The following BAIAP2L1 variants were observed in gnomAD, a reference collection of about 807,000 sequenced individuals.
BAIAP2L1 encodes the protein BAR/IMD domain-containing adapter protein 2-like 1.
BAIAP2L1 carries 35 observed loss-of-function variants against 66.3 expected under a neutral mutation model. The ratio of observed to expected loss-of-function variants is 0.53; its 90% CI spans 0.40 to 0.70. The LOEUF is 0.70. Among genes scored for constraint, BAIAP2L1 ranks in the 30% least tolerant of loss-of-function variants. The pLI is 0.00. For missense variants in BAIAP2L1, 622 were observed against 656.9 expected (o/e 0.95, Z 0.58); for synonymous variants, 269 against 248.7 (o/e 1.08, Z -0.77).
chr7:98,387,285 T>C (rs1357053958), intron 1 of BAIAP2L1, among the ~76,000 whole-genome samples: 1 of 152,130 alleles, frequency 6.6e-6, no homozygotes, highest in Admixed American at 6.6e-5. Context: ...AGACCTTCTT[T>C]GTCTTTTCTC....
chr7:98,297,766 G>A (rs572769298), intron 12 of BAIAP2L1, among the ~76,000 whole-genome samples: 7 of 152,334 alleles, frequency 4.6e-5, no homozygotes, highest in South Asian at 2.1e-4. Flanking sequence ...ACGAAGATGC[G>A]TGCAGGCCTG....
At chr7:98,357,356 C>G (rs1185902748) in intron 2 of BAIAP2L1, among the ~76,000 whole-genome samples, 1 of 151,004 alleles carries the variant, frequency 6.6e-6, no homozygotes, top group Admixed American at 6.6e-5. Flanking sequence ...ATCACGAGGT[C>G]AAGAGATTAA....
chr7:98,341,821 CTT>C (rs1344028390), intron 3 of BAIAP2L1, among the ~76,000 whole-genome samples: 5 of 152,074 alleles, frequency 3.3e-5, no homozygotes, highest in South Asian at 2.1e-4. Context: ...AAAATCTCCT[CTT>C]GTTTCTTTGC....
chr7:98,307,495 A>G, intron 10 of BAIAP2L1, 194 bp downstream of exon 10: 1 of 1,431,702 alleles, frequency 7.0e-7, no homozygotes, highest in Non-Finnish European at 9.1e-7. Flanking sequence ...CATGCACCAA[A>G]TGTATCTCTA....
At chr7:98,308,117 C>T in intron 9 of BAIAP2L1, 1 of 671,514 alleles carries the variant, frequency 1.5e-6, no homozygotes, top group South Asian at 1.5e-5. Flanking sequence ...ATGCACCGTG[C>T]AGAAGAGGAT....
intron 1 of BAIAP2L1, among the ~76,000 whole-genome samples, chr7:98,384,508 A>T (rs1252770987): frequency 6.6e-6 from 1 of 152,166 alleles, no homozygotes; most frequent in Non-Finnish European, 1.5e-5. Flanking sequence ...AGGAAAGGAC[A>T]TCTTATGCAC....
chr7:98,392,853 T>C (rs1338725167), intron 1 of BAIAP2L1, among the ~76,000 whole-genome samples: 1 of 135,242 alleles, frequency 7.4e-6, no homozygotes. Context: ...AGTACAGTGG[T>C]GCAGTCTCAG....
At chr7:98,393,070 T>C (rs1430369250) in intron 1 of BAIAP2L1, among the ~76,000 whole-genome samples, 1 of 83,346 alleles carries the variant, frequency 1.2e-5, no homozygotes, top group East Asian at 2.4e-4. Context: ...TACACATATA[T>C]GTATACACAC....
rs1020062861 is a variant in BAIAP2L1 at position 98,319,973 on chromosome 7, A to C, written c.348+85T>G. 7 of 1,060,682 alleles carry C rather than the reference A, an allele frequency of 6.6e-6. No homozygotes were observed. In the Admixed American group the frequency reaches 1.1e-4, roughly 16 times the overall value. 65.7% of individuals were successfully genotyped at this position (1,060,682 alleles called of 1,614,324 possible). A position where few individuals can be genotyped will look rare whatever the true frequency, so the allele number is the denominator to read the frequency against. On this transcript the variant is annotated intron_variant, in intron 5 of 13. Transcript: ENST00000005260. Reference sequence around the variant, plus strand: ...GGAGCTTCTCTCCTGTCTGCTGCTGATGAGTCAACAGTGGGAACGAGTTCT... The same window carrying C: ...GGAGCTTCTCTCCTGTCTGCTGCTGCTGAGTCAACAGTGGGAACGAGTTCT...
intron 1 of BAIAP2L1, among the ~76,000 whole-genome samples, chr7:98,389,218 C>G (rs766791457): frequency 6.6e-6 from 1 of 152,166 alleles, no homozygotes; most frequent in Non-Finnish European, 1.5e-5. Context: ...CCTCCTAACT[C>G]AGCATGGGGC....
chr7:98,379,169 G>A (rs542001222), intron 1 of BAIAP2L1, among the ~76,000 whole-genome samples: 4 of 152,172 alleles, frequency 2.6e-5, no homozygotes, highest in South Asian at 2.1e-4. Flanking sequence ...ATGAGCCACC[G>A]AGCCTGGCCA....
chr7:98,370,323 G>C (rs1363126363), intron 1 of BAIAP2L1, among the ~76,000 whole-genome samples: 3 of 136,366 alleles, frequency 2.2e-5, no homozygotes, highest in African/African-American at 8.2e-5. Context: ...GCAGTGAGCT[G>C]AGATTGCGCC....
intron 1 of BAIAP2L1, among the ~76,000 whole-genome samples, chr7:98,374,770 T>A (rs997279247): frequency 7.2e-5 from 11 of 151,762 alleles, no homozygotes; most frequent in Non-Finnish European, 1.2e-4. Context: ...ATAAAAAAAA[T>A]AAAATAAAAT....
chr7:98,345,996 A>C (rs1285812477), intron 3 of BAIAP2L1, among the ~76,000 whole-genome samples: 1 of 152,184 alleles, frequency 6.6e-6, no homozygotes, highest in Non-Finnish European at 1.5e-5. Flanking sequence ...TTAAATGGGA[A>C]GCAACTGCTA....
intron 5 of BAIAP2L1, 140 bp from the exon 6 acceptor site, chr7:98,317,496 G>A: frequency 1.8e-6 from 2 of 1,082,640 alleles, no homozygotes; most frequent in Non-Finnish European, 1.3e-6. Context: ...CACTGGCTGG[G>A]GCCCCCACAC....
At chr7:98,301,493 A>ATATATT (rs762603062) in intron 12 of BAIAP2L1, among the ~76,000 whole-genome samples, 4 of 149,250 alleles carry the variant, frequency 2.7e-5, no homozygotes, top group Non-Finnish European at 5.9e-5. Flanking sequence ...ATATATATAT[A>ATATATT]TTTTAAGTGG....
At chr7:98,378,230 G>A (rs1584497406) in intron 1 of BAIAP2L1, among the ~76,000 whole-genome samples, 1 of 5,958 alleles carries the variant, frequency 1.7e-4, no homozygotes, top group East Asian at 2.6e-3. Context: ...AAAATAACAC[G>A]ACTGGAAATA....
chr7:98,327,684 G>C (rs1054768041), intron 3 of BAIAP2L1, among the ~76,000 whole-genome samples: 1 of 151,754 alleles, frequency 6.6e-6, no homozygotes, highest in Admixed American at 6.6e-5. Context: ...AAAAAAAAAA[G>C]AAAAGTGAAG....
chr7:98,376,337 T>C (rs1305229123), intron 1 of BAIAP2L1, among the ~76,000 whole-genome samples: 1 of 151,202 alleles, frequency 6.6e-6, no homozygotes, highest in Non-Finnish European at 1.5e-5. Flanking sequence ...ACCCCGTCTC[T>C]ACCAAAAACA....
Sources: gnomAD v4.1 joint callset for allele counts (sites outside exome capture counted in the v4.1 genomes callset) on GRCh38, gnomAD v4.1.1 for gene constraint, MANE v1.5 for transcripts, NCBI Gene and HGNC (gene_info 2026-07-23, HGNC 2026-07-21) for gene names.